STAU2: variants seen among roughly 807,000 people sequenced by gnomAD.
STAU2 encodes double-stranded RNA-binding protein Staufen homolog 2.
STAU2 carries 20 observed loss-of-function variants against 65.9 expected under a neutral mutation model. That is an observed-to-expected ratio of 0.30 (90% CI 0.21 to 0.44). The LOEUF is 0.44. STAU2 is among the 20% of genes least tolerant of loss of function. STAU2 has a pLI of 1.00. For missense variants in STAU2, 558 were observed against 683.9 expected (o/e 0.82, Z 2.05); for synonymous variants, 232 against 233.9 (o/e 0.99, Z 0.07).
intron 5 of STAU2, among the ~76,000 whole-genome samples, chr8:73,681,713 T>C (rs1269581307): frequency 1.3e-5 from 2 of 152,108 alleles, no homozygotes; most frequent in African/African-American, 4.8e-5. Flanking sequence ...CAACCAAGTA[T>C]CTGCTGTTTT....
At chr8:73,700,106 G>A (rs1819987946) in intron 4 of STAU2, among the ~76,000 whole-genome samples, 1 of 152,046 alleles carries the variant, frequency 6.6e-6, no homozygotes, top group Non-Finnish European at 1.5e-5. Flanking sequence ...AAAAGCATCT[G>A]ATAAAGTTCA....
chr8:73,688,558 T>A, intron 5 of STAU2, 96 bp downstream of exon 5: 1 of 1,204,266 alleles, frequency 8.3e-7, no homozygotes, highest in Non-Finnish European at 1.2e-6. Flanking sequence ...GTACTATTAA[T>A]ACTTGCTCAC....
At chr8:73,485,446 G>A (rs542598612) in intron 13 of STAU2, among the ~76,000 whole-genome samples, 5 of 152,140 alleles carry the variant, frequency 3.3e-5, no homozygotes, top group African/African-American at 9.6e-5. Context: ...AAGTGGCCTC[G>A]TGAGAAAAGT....
At chr8:73,687,584 G>A (rs1328332177) in intron 5 of STAU2, among the ~76,000 whole-genome samples, 2 of 147,416 alleles carry the variant, frequency 1.4e-5, no homozygotes, top group Non-Finnish European at 3.0e-5. Flanking sequence ...TTTTGCAGGG[G>A]TAGAAACAAG....
intron 5 of STAU2, among the ~76,000 whole-genome samples, chr8:73,683,368 T>C (rs1307487805): frequency 6.6e-6 from 1 of 152,000 alleles, no homozygotes; most frequent in Admixed American, 6.6e-5. Flanking sequence ...AAAAATCACA[T>C]GACATCTCAA....
At chr8:73,441,171 T>C (rs1818105790) in intron 13 of STAU2, 1 of 152,350 alleles carries the variant, frequency 6.6e-6, no homozygotes, top group African/African-American at 2.4e-5. Context: ...AAGATTTCAT[T>C]AAAATTTTAT....
chr8:73,565,047 G>A (rs986447212), intron 12 of STAU2, among the ~76,000 whole-genome samples: 1 of 152,200 alleles, frequency 6.6e-6, no homozygotes, highest in African/African-American at 2.4e-5. Flanking sequence ...ACTGGAATAA[G>A]TGGGTTAGAA....
intron 13 of STAU2, among the ~76,000 whole-genome samples, chr8:73,463,598 A>G (rs1819491749): frequency 6.6e-6 from 1 of 152,236 alleles, no homozygotes; most frequent in South Asian, 2.1e-4. Flanking sequence ...AGGTTTACCG[A>G]CTGATGTGCA....
At chr8:73,646,934 G>A (rs1326513743) in intron 6 of STAU2, among the ~76,000 whole-genome samples, 1 of 97,030 alleles carries the variant, frequency 1.0e-5, no homozygotes, top group Non-Finnish European at 2.1e-5. Flanking sequence ...AAGACACACA[G>A]CCAGACACAC....
chr8:73,467,093 A>G (rs1479750202), intron 13 of STAU2, among the ~76,000 whole-genome samples: 1 of 152,232 alleles, frequency 6.6e-6, no homozygotes, highest in African/African-American at 2.4e-5. Context: ...CACTTCCCAT[A>G]AGTTGACATC....
At chr8:73,527,978 C>G (rs529676872) in intron 13 of STAU2, among the ~76,000 whole-genome samples, 13 of 152,156 alleles carry the variant, frequency 8.5e-5, no homozygotes, top group African/African-American at 2.7e-4. Context: ...CATCTTAAGT[C>G]TTTTTGAGGA....
chr8:73,444,345 G>A (rs1818350427), intron 13 of STAU2, among the ~76,000 whole-genome samples: 1 of 150,924 alleles, frequency 6.6e-6, no homozygotes, highest in Non-Finnish European at 1.5e-5. Flanking sequence ...GGTGGAGGTT[G>A]CAGTGAGCCG....
chr8:73,605,255 A>G (rs549719929), intron 9 of STAU2, among the ~76,000 whole-genome samples: 1 of 151,816 alleles, frequency 6.6e-6, no homozygotes, highest in Non-Finnish European at 1.5e-5. Flanking sequence ...ATCGATCAGA[A>G]GACTCAACAA....
intron 13 of STAU2, among the ~76,000 whole-genome samples, chr8:73,497,020 C>T (rs1821457268): frequency 1.3e-5 from 2 of 151,702 alleles, no homozygotes. Flanking sequence ...AGATCAAATG[C>T]TTCCATGGAA....
chr8:73,494,006 G>C (rs563274680), intron 13 of STAU2, among the ~76,000 whole-genome samples: 1 of 151,888 alleles, frequency 6.6e-6, no homozygotes, highest in African/African-American at 2.4e-5. Flanking sequence ...CTGGAACAAT[G>C]ATTGCCTTTG....
At chr8:73,449,497 G>A (rs1483875887) in intron 13 of STAU2, among the ~76,000 whole-genome samples, 1 of 152,212 alleles carries the variant, frequency 6.6e-6, no homozygotes, top group Non-Finnish European at 1.5e-5. Flanking sequence ...GAGGTACTGG[G>A]GGTTAGGGCT....
chr8:73,664,579 T>C (rs1817092585), intron 6 of STAU2, among the ~76,000 whole-genome samples: 1 of 152,346 alleles, frequency 6.6e-6, no homozygotes, highest in South Asian at 2.1e-4. Context: ...ATTCTATTAA[T>C]TGGGTTAATT....
intron 4 of STAU2, among the ~76,000 whole-genome samples, chr8:73,706,458 T>C (rs1820509789): frequency 6.6e-6 from 1 of 152,120 alleles, no homozygotes; most frequent in African/African-American, 2.4e-5. Context: ...AAATTTTTCT[T>C]ACCAGAGATT....
In STAU2 at chr8:73,420,650, C is replaced by A. The variant is rs1354455033; in HGVS notation, c.*722G>T. On this transcript the variant is annotated 3_prime_UTR_variant, in exon 15 of 15. Transcript: ENST00000524300. Reference sequence around the variant, plus strand: ...GAAGATGATATATAGGGGCAAGACGCCCCCTTACTTGCTAAGAGTATATGG... The same window carrying A: ...GAAGATGATATATAGGGGCAAGACGACCCCTTACTTGCTAAGAGTATATGG... 2 of 164,912 alleles carry A rather than the reference C, an allele frequency of 1.2e-5. No homozygotes were observed. Among genetic ancestry groups the A allele is most frequent in the African/African-American group, 4.8e-5 (2 of 42,044 alleles). 10.2% of individuals were successfully genotyped at this position (164,912 alleles called of 1,614,324 possible).
Sources: allele counts gnomAD v4.1 joint callset (sites outside exome capture counted in the v4.1 genomes callset), GRCh38; gene constraint gnomAD v4.1.1; transcripts MANE v1.5; gene names NCBI Gene and HGNC (gene_info 2026-07-23, HGNC 2026-07-21).